The following STIM1 variants were observed in gnomAD, a reference collection of about 807,000 sequenced individuals.
STIM1 encodes stromal interaction molecule 1.
A neutral mutation model predicts 74.7 loss-of-function variants in STIM1; 25 were observed. The ratio of observed to expected loss-of-function variants is 0.33; its 90% CI spans 0.24 to 0.47. STIM1 has a LOEUF of 0.47. Ranked by LOEUF, STIM1 falls within the 20% of genes least tolerant of loss-of-function variation. The pLI, the probability that STIM1 is intolerant of heterozygous loss-of-function variation, is 1.00. For synonymous variants in STIM1, 328 were observed against 348.8 expected (o/e 0.94, Z 0.66); for missense variants, 728 against 920.8 (o/e 0.79, Z 2.71).
rs572842760 is a variant in STIM1 at position 3,941,568 on chromosome 11, A to G, written c.140-25984A>G. Among the ~76,000 whole-genome samples the G allele has an allele frequency of 6.0e-5, 9 of 151,226 alleles. No homozygotes were observed. The East Asian group carries it at 1.4e-3, about 23-fold the overall frequency. On this transcript the variant is annotated intron_variant, in intron 1 of 12. Transcript: ENST00000526596. ...CAGTGTTGTAGCAAATAGTATTGCCATAGAAGAAGCATATATATGTGTGTG... is the reference window on the plus strand; with the variant it reads ...CAGTGTTGTAGCAAATAGTATTGCCGTAGAAGAAGCATATATATGTGTGTG...
chr11:4,018,002 A>G (rs2093915067), intron 2 of STIM1, among the ~76,000 whole-genome samples: 1 of 152,212 alleles, frequency 6.6e-6, no homozygotes, highest in African/African-American at 2.4e-5. Flanking sequence ...TCAGAGTGAA[A>G]AATCAAAGTC....
chr11:3,930,273 A>G (rs976128297), intron 1 of STIM1, among the ~76,000 whole-genome samples: 1 of 152,226 alleles, frequency 6.6e-6, no homozygotes, highest in Non-Finnish European at 1.5e-5. Flanking sequence ...CTCATTTTAC[A>G]GAGGAGATGA....
intron 11 of STIM1, 178 bp from the exon 12 acceptor site, chr11:4,086,299 A>T: frequency 1.5e-6 from 1 of 671,352 alleles, no homozygotes; most frequent in Non-Finnish European, 2.5e-6. Flanking sequence ...CTTCATCTTC[A>T]ATTTCCCATC....
At chr11:3,866,349 ACT>A (rs2090855560) in intron 1 of STIM1, among the ~76,000 whole-genome samples, 1 of 151,088 alleles carries the variant, frequency 6.6e-6, no homozygotes, top group Non-Finnish European at 1.5e-5. Flanking sequence ...CTGTGAACAA[ACT>A]CTGGTAGCAC....
At chr11:3,977,874 A>T (rs936125391) in intron 2 of STIM1, among the ~76,000 whole-genome samples, 1 of 152,112 alleles carries the variant, frequency 6.6e-6, no homozygotes, top group Non-Finnish European at 1.5e-5. Context: ...TTCTCCCTCA[A>T]CATGAGGGTA....
At chr11:3,893,302 T>C (rs2091952533) in intron 1 of STIM1, among the ~76,000 whole-genome samples, 1 of 152,256 alleles carries the variant, frequency 6.6e-6, no homozygotes, top group African/African-American at 2.4e-5. Context: ...TGTTTTTGAA[T>C]GAATAAATGA....
chr11:4,001,682 T>C (rs2923959), intron 2 of STIM1, among the ~76,000 whole-genome samples: 116,137 of 151,476 alleles, frequency 0.77, 45,644 homozygotes, highest in South Asian at 0.9. Flanking sequence ...CATCAACTAA[T>C]GAGCAAAATC....
At chr11:4,055,660 C>G in intron 4 of STIM1, 23 bp downstream of exon 4, 1 of 1,547,220 alleles carries the variant, frequency 6.5e-7, no homozygotes, top group Non-Finnish European at 8.8e-7. Flanking sequence ...CTGGGTTTTT[C>G]TCTGTTGAGG....
At chr11:3,933,563 T>A (rs2135570563) in intron 1 of STIM1, among the ~76,000 whole-genome samples, 1 of 152,330 alleles carries the variant, frequency 6.6e-6, no homozygotes, top group South Asian at 2.1e-4. Context: ...CTTGTTTCCA[T>A]GGCCTCTTTG....
chr11:3,906,387 C>T (rs961247799), intron 1 of STIM1, among the ~76,000 whole-genome samples: 1 of 152,192 alleles, frequency 6.6e-6, no homozygotes, highest in Non-Finnish European at 1.5e-5. Flanking sequence ...TTTACTCATC[C>T]TTGTATCCTG....
intron 1 of STIM1, among the ~76,000 whole-genome samples, chr11:3,886,664 G>T: frequency 7.1e-6 from 1 of 139,990 alleles, no homozygotes; most frequent in African/African-American, 2.8e-5. Context: ...CTCCAGCCTG[G>T]GTGACAGAGC....
At chr11:4,049,855 A>G (rs2094225986) in intron 3 of STIM1, among the ~76,000 whole-genome samples, 1 of 152,020 alleles carries the variant, frequency 6.6e-6, no homozygotes, top group South Asian at 2.1e-4. Flanking sequence ...AAAGTTATAT[A>G]AGCTTGCTGT....
chr11:3,940,913 C>T (rs2092996994), intron 1 of STIM1, among the ~76,000 whole-genome samples: 1 of 152,148 alleles, frequency 6.6e-6, no homozygotes, highest in South Asian at 2.1e-4. Context: ...AAAGGCCTTT[C>T]TTGTACTCTT....
At chr11:3,958,811 A>G (rs1168976349) in intron 1 of STIM1, among the ~76,000 whole-genome samples, 2 of 152,030 alleles carry the variant, frequency 1.3e-5, no homozygotes, top group East Asian at 3.9e-4. Flanking sequence ...CTGTACTAAA[A>G]ATACAAAAAT....
chr11:3,985,259 T>C (rs2093547775), intron 2 of STIM1, among the ~76,000 whole-genome samples: 1 of 152,258 alleles, frequency 6.6e-6, no homozygotes, highest in South Asian at 2.1e-4. Flanking sequence ...ATCCTGTCGA[T>C]GACAGGGATG....
chr11:4,062,316 T>C (rs960217843), intron 5 of STIM1, among the ~76,000 whole-genome samples: 1 of 152,186 alleles, frequency 6.6e-6, no homozygotes, highest in Non-Finnish European at 1.5e-5. Context: ...GGCTCTACTA[T>C]CCAGAATACA....
chr11:4,019,868 G>A (rs993785429), intron 2 of STIM1, among the ~76,000 whole-genome samples: 3 of 152,080 alleles, frequency 2.0e-5, no homozygotes, highest in African/African-American at 7.2e-5. Flanking sequence ...TCACCCTACT[G>A]TGCAATGGAA....
chr11:4,082,045 T>G (rs2094468112), intron 7 of STIM1, 139 bp from the exon 8 acceptor site: 6 of 967,754 alleles, frequency 6.2e-6, no homozygotes, highest in Non-Finnish European at 9.6e-6. Context: ...CTATATAAAA[T>G]ACGGAAAATA....
At chr11:3,907,204 G>A (rs1324575688) in intron 1 of STIM1, among the ~76,000 whole-genome samples, 4 of 152,096 alleles carry the variant, frequency 2.6e-5, no homozygotes, top group East Asian at 1.9e-4. Context: ...CGAACAAAAC[G>A]GGGTTATAAT....
Sources: gnomAD v4.1 joint callset for allele counts (sites outside exome capture counted in the v4.1 genomes callset) on GRCh38, gnomAD v4.1.1 for gene constraint, MANE v1.5 for transcripts, NCBI Gene and HGNC (gene_info 2026-07-23, HGNC 2026-07-21) for gene names.